Variants in GRIA4 observed in about 807,000 individuals in gnomAD.
GRIA4 encodes glutamate receptor 4.
Under a neutral mutation model 104.0 loss-of-function variants are expected in GRIA4, and 34 were observed. The observed-to-expected ratio is 0.33, with a 90% CI of 0.25 to 0.44. The LOEUF is 0.44. Among genes scored for constraint, GRIA4 ranks in the 20% least tolerant of loss-of-function variants. GRIA4 has a pLI of 1.00. For missense variants in GRIA4, 750 were observed against 1,096.5 expected, an observed-to-expected ratio of 0.68 and a Z score of 4.46; for synonymous variants, 386 against 381.9, an observed-to-expected ratio of 1.01 and a Z score of -0.13.
intron 5 of GRIA4, among the ~76,000 whole-genome samples, chr11:105,885,767 T>C (rs1946233581): frequency 6.6e-6 from 1 of 152,270 alleles, no homozygotes; most frequent in Non-Finnish European, 1.5e-5. Flanking sequence ...AGCCTTGTTC[T>C]TGAGGCAGAT....
chr11:105,805,767 T>G (rs1942929278), intron 4 of GRIA4, among the ~76,000 whole-genome samples: 1 of 151,930 alleles, frequency 6.6e-6, no homozygotes, highest in African/African-American at 2.4e-5. Context: ...TTATGAAATT[T>G]TAAAAGCCTT....
intron 5 of GRIA4, among the ~76,000 whole-genome samples, chr11:105,872,136 T>C (rs571496482): frequency 2.6e-5 from 4 of 152,066 alleles, no homozygotes; most frequent in Non-Finnish European, 5.9e-5. Context: ...AAAATTCCTA[T>C]GGCAAAGAAA....
In GRIA4 at chr11:105,752,990, A is replaced by T; in HGVS notation, c.257A>T (p.Gln86Leu). Residue 86 changes from glutamine to leucine, a missense_variant, in exon 4 of 17, where the codon CAG becomes CTG. By Grantham distance (113) the Gln-to-Leu change is moderately radical. Coordinates refer to ENST00000282499, the MANE Select transcript of GRIA4 (RefSeq NM_000829.4). ...CTTCCTCTTGTTTCAGTCTGTTCCCAGTATTCTAGAGGAGTATTTGCCATT... is the reference window on the plus strand; with the variant it reads ...CTTCCTCTTGTTTCAGTCTGTTCCCTGTATTCTAGAGGAGTATTTGCCATT... ...SFAVTNAFCS[Q>L]YSRGVFAIFG... The T allele has an allele frequency of 6.2e-7, 1 of 1,613,094 alleles. No homozygotes were observed. Among genetic ancestry groups the T allele is most frequent in the Non-Finnish European group, 8.5e-7 (1 of 1,179,254 alleles).
chr11:105,637,141 TA>T (rs1485019690), intron 3 of GRIA4, among the ~76,000 whole-genome samples: 2 of 152,240 alleles, frequency 1.3e-5, no homozygotes, highest in East Asian at 3.9e-4. Context: ...AATAACCATT[TA>T]AAAATAGTTT....
intron 14 of GRIA4, among the ~76,000 whole-genome samples, chr11:105,953,720 G>A (rs536953105): frequency 3.8e-4 from 57 of 151,728 alleles, no homozygotes; most frequent in African/African-American, 1.3e-3. Context: ...TTTCCAATCT[G>A]GAATTTTAGT....
At chr11:105,663,831 G>C (rs771670929) in intron 3 of GRIA4, among the ~76,000 whole-genome samples, 6 of 151,798 alleles carry the variant, frequency 4.0e-5, no homozygotes, top group Non-Finnish European at 8.8e-5. Context: ...CTGGTGTATA[G>C]AGCAGAGTTT....
At chr11:105,762,202 T>G (rs1342012841) in intron 4 of GRIA4, among the ~76,000 whole-genome samples, 1 of 152,064 alleles carries the variant, frequency 6.6e-6, no homozygotes, top group African/African-American at 2.4e-5. Flanking sequence ...TTTTGTATTT[T>G]TAGTAGAGAT....
intron 4 of GRIA4, among the ~76,000 whole-genome samples, chr11:105,767,967 T>C (rs541275112): frequency 3.9e-5 from 6 of 152,094 alleles, no homozygotes; most frequent in Non-Finnish European, 8.8e-5. Context: ...AAGCAGGTCC[T>C]AGACAGTTAA....
At chr11:105,817,050 G>A (rs375020486) in intron 4 of GRIA4, among the ~76,000 whole-genome samples, 4 of 151,772 alleles carry the variant, frequency 2.6e-5, no homozygotes, top group Admixed American at 6.6e-5. Context: ...ACTAACTCAG[G>A]TTCTGAAATC....
chr11:105,730,316 T>C (rs1305388277), intron 3 of GRIA4, among the ~76,000 whole-genome samples: 3 of 152,116 alleles, frequency 2.0e-5, no homozygotes, highest in African/African-American at 4.8e-5. Flanking sequence ...GGAATACAAC[T>C]TCAAGGGATG....
At chr11:105,905,497 C>A (rs148893848) in intron 9 of GRIA4, among the ~76,000 whole-genome samples, 196 bp downstream of exon 9, 1 of 152,220 alleles carries the variant, frequency 6.6e-6, no homozygotes, top group African/African-American at 2.4e-5. Context: ...TGTGCCCAAG[C>A]TGAAACAAAC....
intron 4 of GRIA4, among the ~76,000 whole-genome samples, chr11:105,781,530 C>G (rs1443186805): frequency 6.6e-6 from 1 of 151,942 alleles, no homozygotes; most frequent in African/African-American, 2.4e-5. Flanking sequence ...TTCACAATTT[C>G]TGGGGTACAT....
At chr11:105,794,354 G>C (rs908390426) in intron 4 of GRIA4, among the ~76,000 whole-genome samples, 13 of 148,724 alleles carry the variant, frequency 8.7e-5, no homozygotes, top group Admixed American at 2.0e-4. Context: ...TTTTTGGCTT[G>C]TTATTCACAG....
At chr11:105,706,412 C>T (rs1458288298) in intron 3 of GRIA4, 1 of 152,886 alleles carries the variant, frequency 6.5e-6, no homozygotes, top group Non-Finnish European at 1.5e-5. Context: ...TTCCCTGAGC[C>T]TTAATGCTTC....
intron 11 of GRIA4, among the ~76,000 whole-genome samples, chr11:105,922,444 A>C (rs1947590727): frequency 6.6e-6 from 1 of 152,162 alleles, no homozygotes; most frequent in Non-Finnish European, 1.5e-5. Context: ...CATTTCTAGA[A>C]ATTTATCTTA....
At chr11:105,937,022 T>C (rs979796015) in intron 14 of GRIA4, among the ~76,000 whole-genome samples, 9 of 152,320 alleles carry the variant, frequency 5.9e-5, no homozygotes, top group South Asian at 2.1e-4. Flanking sequence ...TCCAGGTATA[T>C]TGATCTGGAA....
At chr11:105,933,111 ATG>A (rs1947931165) in intron 13 of GRIA4, among the ~76,000 whole-genome samples, 2 of 151,914 alleles carry the variant, frequency 1.3e-5, no homozygotes, top group Non-Finnish European at 1.5e-5. Context: ...ACATGGTGGC[ATG>A]CACCTGTAGT....
At chr11:105,612,171 TAATTG>T in intron 2 of GRIA4, 100 bp from the exon 3 acceptor site, 1 of 1,006,784 alleles carries the variant, frequency 9.9e-7, no homozygotes, top group Non-Finnish European at 1.5e-6. Flanking sequence ...TATAGCTCTT[TAATTG>T]TATGTGCTTG....
At chr11:105,837,278 C>A (rs1043428368) in intron 4 of GRIA4, among the ~76,000 whole-genome samples, 76 of 152,052 alleles carry the variant, frequency 5.0e-4, no homozygotes, top group African/African-American at 1.4e-3. Flanking sequence ...GAGGACACAG[C>A]CAAACCATAT....
Sources: allele counts gnomAD v4.1 joint callset (sites outside exome capture counted in the v4.1 genomes callset), GRCh38; gene constraint gnomAD v4.1.1; transcripts MANE v1.5; gene names NCBI Gene and HGNC (gene_info 2026-07-23, HGNC 2026-07-21).